The following COX10 variants were observed in gnomAD, a reference collection of about 807,000 sequenced individuals.
The protein encoded by COX10 is cytochrome c oxidase assembly factor heme A:farnesyltransferase COX10.
Under a neutral mutation model 37.3 loss-of-function variants are expected in COX10, and 27 were observed. The ratio of observed to expected loss-of-function variants is 0.72; its 90% CI spans 0.53 to 1.00. The LOEUF is 1.00. Ranked by LOEUF, COX10 falls within the 50% of genes least tolerant of loss-of-function variation. The pLI is 0.00. For missense variants in COX10, 475 were observed against 563.2 expected (o/e 0.84, Z 1.59); for synonymous variants, 222 against 229.1 (o/e 0.97, Z 0.28).
At chr17:14,146,476 T>G (rs941376509) in intron 4 of COX10, among the ~76,000 whole-genome samples, 4 of 152,056 alleles carry the variant, frequency 2.6e-5, no homozygotes, top group Non-Finnish European at 4.4e-5. Context: ...CCCTATCTCT[T>G]GCCATAAACA....
At chr17:14,140,461 T>G (rs1904505783) in intron 4 of COX10, among the ~76,000 whole-genome samples, 1 of 152,100 alleles carries the variant, frequency 6.6e-6, no homozygotes, top group Admixed American at 6.6e-5. Flanking sequence ...TAGATACTTT[T>G]TATGGTTGGC....
chr17:14,121,412 C>T (rs1916226535), intron 4 of COX10, among the ~76,000 whole-genome samples: 1 of 152,162 alleles, frequency 6.6e-6, no homozygotes, highest in Non-Finnish European at 1.5e-5. Context: ...GTCACTTGGG[C>T]TTCAAGCAAC....
At position 14,102,238 on chromosome 17, in the gene COX10, A is replaced by C. The variant is rs755709533; in HGVS notation, c.620A>C (p.Asn207Thr). ...GCATCCTGTGCTGCCAACTCCATCA[A>C]TCAGGTCAGTTTCTCACTTTCATCT... ...GLASCAANSI[N>T]QFFEVPFDSN... Residue 207 changes from asparagine to threonine, a missense_variant, in exon 4 of 7, where the codon AAT (asparagine) becomes ACT (threonine). Physicochemically the swap from Asn to Thr is moderately conservative, Grantham distance 65. Transcript: ENST00000261643. 3 of 1,613,560 alleles carry C rather than the reference A, an allele frequency of 1.9e-6. No homozygotes were observed. The highest frequency in any genetic ancestry group is 2.5e-6 in the Non-Finnish European group (3 of 1,179,670).
intron 5 of COX10, among the ~76,000 whole-genome samples, chr17:14,185,221 C>T (rs1338212637): frequency 1.3e-5 from 2 of 149,792 alleles, no homozygotes; most frequent in African/African-American, 4.9e-5. Flanking sequence ...GTGTGTGTGC[C>T]TGTGTGCGTC....
At chr17:14,117,493 C>T (rs1916138578) in intron 4 of COX10, among the ~76,000 whole-genome samples, 1 of 152,284 alleles carries the variant, frequency 6.6e-6, no homozygotes, top group East Asian at 1.9e-4. Context: ...ACTCATTATT[C>T]CGTTTTCAAA....
intron 4 of COX10, among the ~76,000 whole-genome samples, chr17:14,156,900 G>A (rs143356778): frequency 6.6e-6 from 1 of 152,198 alleles, no homozygotes; most frequent in Non-Finnish European, 1.5e-5. Context: ...AGTGGATTAG[G>A]GGTTGGCAAA....
chr17:14,184,690 C>T (rs970789352), intron 5 of COX10, among the ~76,000 whole-genome samples: 2 of 152,268 alleles, frequency 1.3e-5, no homozygotes, highest in African/African-American at 4.8e-5. Flanking sequence ...TCACAGCCCT[C>T]TGTTCTTCCA....
Position 14,207,203 on chromosome 17 carries a change from C to T in COX10, c.1322C>T (p.Pro441Leu), listed in dbSNP as rs768183008. ...RPSGGGDAGP[P>L]PS ...AGCGGAGGCGGGGACGCAGGGCCCCCTCCCAGCTGAGAGCACTGGGACGCC... is the reference window on the plus strand; with the variant it reads ...AGCGGAGGCGGGGACGCAGGGCCCCTTCCCAGCTGAGAGCACTGGGACGCC... Residue 441 changes from proline to leucine, a missense_variant, in exon 7 of 7, where the codon CCT (proline) becomes CTT (leucine). Pro to Leu is a moderately conservative substitution (Grantham distance 98, BLOSUM62 -3). Transcript: ENST00000261643. 2.5e-6 allele frequency: 4 copies of T among 1,593,384 alleles called. No homozygotes were observed. Among genetic ancestry groups the T allele is most frequent in the Non-Finnish European group, 3.4e-6 (4 of 1,172,586 alleles).
intron 3 of COX10, among the ~76,000 whole-genome samples, chr17:14,081,763 C>T (rs1373361302): frequency 6.6e-6 from 1 of 152,196 alleles, no homozygotes; most frequent in African/African-American, 2.4e-5. Context: ...AAACTATACA[C>T]ATATTTCTTA....
At chr17:14,162,097 A>G (rs1158690362) in intron 5 of COX10, among the ~76,000 whole-genome samples, 1 of 152,192 alleles carries the variant, frequency 6.6e-6, no homozygotes, top group East Asian at 1.9e-4. Flanking sequence ...GAGGCTACCT[A>G]ATGGTGAAAG....
intron 3 of COX10, among the ~76,000 whole-genome samples, chr17:14,081,349 G>T (rs1471097197): frequency 6.6e-6 from 1 of 152,182 alleles, no homozygotes; most frequent in Non-Finnish European, 1.5e-5. Context: ...GAGAGAAAGA[G>T]AGATAGATAG....
chr17:14,089,875 G>A (rs1431514419), intron 3 of COX10, among the ~76,000 whole-genome samples: 1 of 152,074 alleles, frequency 6.6e-6, no homozygotes, highest in Admixed American at 6.6e-5. Context: ...CTTCTAATCT[G>A]TAGAACCGAT....
At chr17:14,069,761 G>A in intron 1 of COX10, 113 bp downstream of exon 1, 1 of 1,290,594 alleles carries the variant, frequency 7.7e-7, no homozygotes, top group Admixed American at 1.9e-5. Flanking sequence ...GAGGTTGGCC[G>A]GCCACCGGTG....
intron 3 of COX10, among the ~76,000 whole-genome samples, chr17:14,089,694 C>T (rs554481844): frequency 6.6e-6 from 1 of 152,186 alleles, no homozygotes; most frequent in Non-Finnish European, 1.5e-5. Flanking sequence ...TACCATCAAC[C>T]TAGAAAACTT....
rs1177350262 is a variant in COX10 at position 14,103,595 on chromosome 17, C to G, written c.624+1353C>G. The stretch of plus-strand genomic sequence containing the variant: ...AAAGCATCAAATGGTTCAGAAGCTC[C>G]TAAATATTATAAAAAATAAGAGTTG... On this transcript the variant is annotated intron_variant, in intron 4 of 6. Coordinates refer to ENST00000261643, the MANE Select transcript of COX10 (RefSeq NM_001303.4). 4.0e-5 allele frequency among the ~76,000 whole-genome samples: 6 copies of G among 151,878 alleles called. No homozygotes were observed. The East Asian group carries it at 9.7e-4, about 25-fold the overall frequency.
intron 4 of COX10, among the ~76,000 whole-genome samples, chr17:14,138,318 G>A (rs1904439243): frequency 6.6e-6 from 1 of 152,094 alleles, no homozygotes; most frequent in Non-Finnish European, 1.5e-5. Flanking sequence ...CCATTTTACA[G>A]ATAAGCCAAA....
intron 3 of COX10, among the ~76,000 whole-genome samples, chr17:14,088,096 C>T (rs1347679328): frequency 6.6e-6 from 1 of 152,174 alleles, no homozygotes; most frequent in Non-Finnish European, 1.5e-5. Context: ...GGCTTCTGTC[C>T]TTGCTCCTTA....
intron 4 of COX10, among the ~76,000 whole-genome samples, chr17:14,103,105 T>TG (rs1276993100): frequency 6.6e-6 from 1 of 152,186 alleles, no homozygotes; most frequent in East Asian, 1.9e-4. Context: ...AATAAGTTTT[T>TG]TTGTTGTTGT....
intron 5 of COX10, among the ~76,000 whole-genome samples, chr17:14,168,135 T>C (rs1905343960): frequency 2.0e-5 from 3 of 152,206 alleles, no homozygotes; most frequent in African/African-American, 4.8e-5. Flanking sequence ...TGGGAGAAAT[T>C]GGCCAAAACA....
Sources: allele counts gnomAD v4.1 joint callset (sites outside exome capture counted in the v4.1 genomes callset), GRCh38; gene constraint gnomAD v4.1.1; transcripts MANE v1.5; gene names NCBI Gene and HGNC (gene_info 2026-07-23, HGNC 2026-07-21).